SPOCK1: variants seen among roughly 807,000 people sequenced by gnomAD.
The protein encoded by SPOCK1 is testican-1.
In SPOCK1, 23 loss-of-function variants were observed where a neutral mutation model predicts 55.3. That is an observed-to-expected ratio of 0.42 (90% CI 0.30 to 0.59). SPOCK1 has a LOEUF of 0.59. Among genes scored for constraint, SPOCK1 ranks in the 20% least tolerant of loss-of-function variants. The pLI is 0.22. For synonymous variants in SPOCK1, 226 were observed against 221.0 expected, an observed-to-expected ratio of 1.02 and a Z score of -0.20; for missense variants, 499 against 552.5, an observed-to-expected ratio of 0.90 and a Z score of 0.97.
intron 2 of SPOCK1, among the ~76,000 whole-genome samples, chr5:137,278,386 G>A (rs192580218): frequency 6.6e-6 from 1 of 152,250 alleles, no homozygotes; most frequent in African/African-American, 2.4e-5. Context: ...TTTCCCCACG[G>A]TAAGAGGTAA....
At chr5:137,310,897 G>C (rs938594720) in intron 2 of SPOCK1, among the ~76,000 whole-genome samples, 1 of 152,158 alleles carries the variant, frequency 6.6e-6, no homozygotes, top group Admixed American at 6.6e-5. Flanking sequence ...CCAGATGCAG[G>C]TAACACACAG....
chr5:137,450,061 C>T (rs1753223761), intron 2 of SPOCK1, among the ~76,000 whole-genome samples: 2 of 151,796 alleles, frequency 1.3e-5, no homozygotes, highest in South Asian at 4.2e-4. Flanking sequence ...TAGATACCTC[C>T]CAAAAAGGGC....
chr5:137,277,707 T>G (rs539195967), intron 2 of SPOCK1, among the ~76,000 whole-genome samples: 1 of 152,308 alleles, frequency 6.6e-6, no homozygotes. Context: ...ACAAGGTCTC[T>G]AAGTAAGTGG....
intron 3 of SPOCK1, among the ~76,000 whole-genome samples, chr5:137,161,040 T>A (rs1212286321): frequency 2.7e-5 from 4 of 146,416 alleles, no homozygotes; most frequent in East Asian, 3.9e-4. Flanking sequence ...TACATATATT[T>A]TATATATATC....
At chr5:137,498,935 G>A (rs960714563) in intron 1 of SPOCK1, among the ~76,000 whole-genome samples, 3 of 151,822 alleles carry the variant, frequency 2.0e-5, no homozygotes, top group African/African-American at 7.3e-5. Flanking sequence ...CGGCTTTGGG[G>A]CAGGAGAGGG....
intron 5 of SPOCK1, among the ~76,000 whole-genome samples, chr5:137,078,515 C>T (rs959031214): frequency 6.6e-6 from 1 of 152,144 alleles, no homozygotes; most frequent in Non-Finnish European, 1.5e-5. Context: ...AAACTCTCTG[C>T]CCAGGATCTG....
At chr5:137,373,390 T>G (rs1180167716) in intron 2 of SPOCK1, among the ~76,000 whole-genome samples, 1 of 152,322 alleles carries the variant, frequency 6.6e-6, no homozygotes, top group South Asian at 2.1e-4. Context: ...ATCATTGCCC[T>G]AAGCACAGGA....
chr5:137,169,078 G>C (rs1754700753), intron 3 of SPOCK1, among the ~76,000 whole-genome samples: 1 of 152,122 alleles, frequency 6.6e-6, no homozygotes, highest in Non-Finnish European at 1.5e-5. Context: ...TAAGGGAAGT[G>C]GCTGGGCACA....
intron 2 of SPOCK1, among the ~76,000 whole-genome samples, chr5:137,286,451 C>T (rs943097122): frequency 8.5e-5 from 13 of 152,274 alleles, no homozygotes; most frequent in African/African-American, 2.6e-4. Context: ...AGGAAACTAA[C>T]GCAGGCTGAA....
intron 4 of SPOCK1, 36 bp downstream of exon 4, chr5:137,140,544 C>T (rs749403109): frequency 1.9e-6 from 3 of 1,556,444 alleles, no homozygotes; most frequent in East Asian, 2.3e-5. Flanking sequence ...CTGCAGAATG[C>T]CTCCCAGCCC....
intron 2 of SPOCK1, among the ~76,000 whole-genome samples, chr5:137,423,729 C>T (rs1752550411): frequency 6.6e-6 from 1 of 152,214 alleles, no homozygotes; most frequent in Admixed American, 6.5e-5. Flanking sequence ...CCTTGTACTT[C>T]CCGGGTAAGG....
At chr5:137,428,339 T>C (rs1168357217) in intron 2 of SPOCK1, among the ~76,000 whole-genome samples, 1 of 151,874 alleles carries the variant, frequency 6.6e-6, no homozygotes, top group South Asian at 2.1e-4. Flanking sequence ...ACTAGGAGAG[T>C]CATGTAGGGA....
In SPOCK1 at chr5:137,313,477, CT is replaced by C. The variant is rs1483850179; in HGVS notation, c.187-46423del. 8.1e-6 allele frequency: 8 copies of C among 985,324 alleles called. No individual in the cohort carries two copies. In the African/African-American group the frequency reaches 1.4e-4, roughly 17 times the overall value. 61.0% of individuals were successfully genotyped at this position (985,324 alleles called of 1,614,324 possible). ...AATCATCAGGGCACAGGCCGGGCAC[CT>C]GTGACACCCACCCAAAACAAGGACA... is the stretch of plus-strand genomic sequence containing the variant. On this transcript the variant is annotated intron_variant, in intron 2 of 10. Transcript: ENST00000394945.
chr5:137,120,827 G>A (rs140727846), intron 4 of SPOCK1, among the ~76,000 whole-genome samples: 1 of 152,114 alleles, frequency 6.6e-6, no homozygotes, highest in African/African-American at 2.4e-5. Flanking sequence ...CGCCAGTCTC[G>A]CATTTCTACA....
chr5:137,424,486 G>T (rs1246848706), intron 2 of SPOCK1, among the ~76,000 whole-genome samples: 1 of 152,132 alleles, frequency 6.6e-6, no homozygotes, highest in Non-Finnish European at 1.5e-5. Context: ...TCCACTCCTA[G>T]TTACTTACCC....
chr5:136,999,642 GAAAC>G (rs1318973253), intron 6 of SPOCK1, among the ~76,000 whole-genome samples: 3 of 152,152 alleles, frequency 2.0e-5, no homozygotes, highest in African/African-American at 7.2e-5. Context: ...GGAAGAAAAG[GAAAC>G]AATCAGTGGG....
At chr5:137,194,928 G>A (rs572835025) in intron 3 of SPOCK1, among the ~76,000 whole-genome samples, 2 of 152,270 alleles carry the variant, frequency 1.3e-5, no homozygotes, top group East Asian at 1.9e-4. Flanking sequence ...GTCCTGTCTG[G>A]TCAGGCTCCA....
At chr5:137,138,705 C>A (rs928223288) in intron 4 of SPOCK1, among the ~76,000 whole-genome samples, 3 of 143,868 alleles carry the variant, frequency 2.1e-5, no homozygotes, top group East Asian at 2.2e-4. Flanking sequence ...ATAATAACCC[C>A]CCCCCCCCAA....
At chr5:137,378,868 G>C (rs1490245274) in intron 2 of SPOCK1, among the ~76,000 whole-genome samples, 2 of 152,204 alleles carry the variant, frequency 1.3e-5, no homozygotes, top group African/African-American at 4.8e-5. Context: ...AGCAGCATCA[G>C]AGGGGTAAAA....
Sources: allele counts gnomAD v4.1 joint callset (sites outside exome capture counted in the v4.1 genomes callset), GRCh38; gene constraint gnomAD v4.1.1; transcripts MANE v1.5; gene names NCBI Gene and HGNC (gene_info 2026-07-23, HGNC 2026-07-21).